The following PLEKHB2 variants were observed in gnomAD, a reference collection of about 807,000 sequenced individuals.
PLEKHB2 encodes pleckstrin homology domain-containing family B member 2.
In PLEKHB2, 31 loss-of-function variants were observed where a neutral mutation model predicts 36.5. The observed-to-expected ratio is 0.85, with a 90% CI of 0.64 to 1.15. The LOEUF (loss-of-function observed/expected upper bound fraction) is 1.15. Among genes scored for constraint, PLEKHB2 ranks in the 50% most tolerant of loss-of-function variants. The probability of loss-of-function intolerance (pLI) is 0.00; values close to 1 mark genes in which losing one functional copy is unlikely to be tolerated. For missense variants in PLEKHB2, 262 were observed against 295.3 expected, an observed-to-expected ratio of 0.89 and a Z score of 0.83; for synonymous variants, 119 against 112.0, an observed-to-expected ratio of 1.06 and a Z score of -0.39.
At chr2:131,109,896 T>G (rs912741403) in intron 1 of PLEKHB2, among the ~76,000 whole-genome samples, 1 of 152,062 alleles carries the variant, frequency 6.6e-6, no homozygotes, top group Non-Finnish European at 1.5e-5. Flanking sequence ...AAGTGGATCA[T>G]GAGGTCAGGA....
chr2:131,125,695 G>A (rs1697015110), intron 2 of PLEKHB2, 58 bp from the exon 3 acceptor site: 44 of 1,456,652 alleles, frequency 3.0e-5, no homozygotes, highest in Non-Finnish European at 3.9e-5. Context: ...CAACTTGGGC[G>A]AAATAGTAAG....
At chr2:131,112,213 C>A (rs1339923761) in intron 1 of PLEKHB2, among the ~76,000 whole-genome samples, 2 of 152,136 alleles carry the variant, frequency 1.3e-5, no homozygotes, top group African/African-American at 4.8e-5. Context: ...TGTAATGAGG[C>A]CTCCATAAAA....
intron 7 of PLEKHB2, 124 bp from the exon 8 acceptor site, chr2:131,146,513 G>C: frequency 1.1e-6 from 1 of 950,812 alleles, no homozygotes; most frequent in Non-Finnish European, 1.6e-6. Context: ...TTGTGGAGGA[G>C]GGCTGGGTCG....
intron 7 of PLEKHB2, among the ~76,000 whole-genome samples, chr2:131,140,991 T>C (rs1698728565): frequency 6.6e-6 from 1 of 152,004 alleles, no homozygotes; most frequent in African/African-American, 2.4e-5. Context: ...GAGACAGGAA[T>C]GTGGGGGTTT....
intron 6 of PLEKHB2, among the ~76,000 whole-genome samples, chr2:131,135,602 T>A (rs1352272352): frequency 6.6e-6 from 1 of 151,928 alleles, no homozygotes; most frequent in Non-Finnish European, 1.5e-5. Context: ...AGGGGGGATG[T>A]ATTCAGTGTT....
rs1414200645 is a variant in PLEKHB2 at position 131,148,527 on chromosome 2, G to C, written c.*1754G>C. 1.3e-5 allele frequency: 2 copies of C among 152,146 alleles called. No individual in the cohort carries two copies. The highest frequency in any genetic ancestry group is 4.8e-5 in the African/African-American group (2 of 41,402). The allele number at this position is 152,146 out of a possible 1,614,324, so 9.4% of individuals were successfully genotyped here. A position where few individuals can be genotyped will look rare whatever the true frequency, so the allele number is the denominator to read the frequency against. On this transcript the variant is annotated 3_prime_UTR_variant, in exon 8 of 8. Coordinates refer to ENST00000693505, the MANE Select transcript of PLEKHB2 (RefSeq NM_001100623.2). ...AATACACTCCAGGTAGCACAGACTT[G>C]TTATTTTGCCTGGCTGGTTACACAC...
Position 131,146,720 on chromosome 2 carries a change from C to G in PLEKHB2, c.616C>G (p.Leu206Val), listed in dbSNP as rs756311105. The G allele has an allele frequency of 1.2e-6, 2 of 1,613,906 alleles. No individual in the cohort carries two copies. Among genetic ancestry groups the G allele is most frequent in the Admixed American group, 3.3e-5 (2 of 59,996 alleles). ...DNDSDLALGM[L>V]AGAATGMALG... is the part of the protein sequence containing the mutation. Reference sequence around the variant, plus strand: ...CGACAGCGACCTGGCACTGGGCATGCTGGCAGGAGCAGCCACGGGCATGGC... The same window carrying G: ...CGACAGCGACCTGGCACTGGGCATGGTGGCAGGAGCAGCCACGGGCATGGC... Residue 206 changes from leucine (L) to valine (V), a missense_variant, in exon 8 of 8, where the codon CTG (leucine) becomes GTG (valine). Transcript: ENST00000693505.
At chr2:131,107,088 G>A (rs952470248) in intron 1 of PLEKHB2, among the ~76,000 whole-genome samples, 3 of 152,150 alleles carry the variant, frequency 2.0e-5, no homozygotes, top group Non-Finnish European at 4.4e-5. Flanking sequence ...ATGCTTTTCA[G>A]CTTGCATTAA....
chr2:131,115,754 T>C (rs745647898), intron 1 of PLEKHB2, among the ~76,000 whole-genome samples: 1 of 152,230 alleles, frequency 6.6e-6, no homozygotes, highest in Non-Finnish European at 1.5e-5. Flanking sequence ...TAATAGACTG[T>C]AATTTTTACT....
chr2:131,139,790 G>A (rs1462422941), intron 6 of PLEKHB2, among the ~76,000 whole-genome samples: 1 of 152,192 alleles, frequency 6.6e-6, no homozygotes. Flanking sequence ...GCAGAATAGT[G>A]GTTTTGGTGA....
chr2:131,140,803 G>A (rs1698710412), intron 7 of PLEKHB2, among the ~76,000 whole-genome samples: 1 of 152,212 alleles, frequency 6.6e-6, no homozygotes, highest in Non-Finnish European at 1.5e-5. Context: ...GGGCAAGGGG[G>A]TTGGCAGGGT....
intron 1 of PLEKHB2, among the ~76,000 whole-genome samples, chr2:131,113,204 C>G (rs971476670): frequency 6.6e-6 from 1 of 152,006 alleles, no homozygotes; most frequent in African/African-American, 2.4e-5. Context: ...TACCTCAGCC[C>G]CCCAGTAGCT....
chr2:131,134,172 T>A (rs1238196189), intron 6 of PLEKHB2, among the ~76,000 whole-genome samples: 1 of 152,058 alleles, frequency 6.6e-6, no homozygotes, highest in African/African-American at 2.4e-5. Context: ...GTGCTGGGAT[T>A]ACAGGTGTCA....
chr2:131,122,107 C>T (rs1696582703), intron 2 of PLEKHB2, among the ~76,000 whole-genome samples: 1 of 152,044 alleles, frequency 6.6e-6, no homozygotes, highest in Non-Finnish European at 1.5e-5. Context: ...CATGTTGAGC[C>T]TGGTCTCGAA....
rs1697135964 is a variant in PLEKHB2 at position 131,126,684 on chromosome 2, A to G, written c.191A>G (p.Asp64Gly). ...CCTTTATTCTGCTTATTTTTCATAG[A>G]TACTCAGCCCCCGGATGGAAAGTCA... ...INIRTGQECR[D>G]TQPPDGKSKD... is the part of the protein sequence containing the mutation. Residue 64 changes from aspartate (D) to glycine (G), a missense_variant and splice_region_variant, in exon 4 of 8, where the codon GAT (aspartate) becomes GGT (glycine). By Grantham distance (94) the Asp-to-Gly change is moderately conservative. Transcript: ENST00000693505. 1 of 1,582,754 alleles carries G rather than the reference A, an allele frequency of 6.3e-7. No individual in the cohort carries two copies. Among genetic ancestry groups the G allele is most frequent in the Non-Finnish European group, 8.7e-7 (1 of 1,151,862 alleles).
chr2:131,146,810 C>T lies in PLEKHB2; in HGVS notation c.*37C>T. The T allele has an allele frequency of 6.6e-7, 1 of 1,522,984 alleles. No homozygotes were observed. The highest frequency in any genetic ancestry group is 8.9e-7 in the Non-Finnish European group (1 of 1,128,324). 94.3% of individuals were successfully genotyped at this position (1,522,984 alleles called of 1,614,324 possible). A position where few individuals can be genotyped will look rare whatever the true frequency, so the allele number is the denominator to read the frequency against. On this transcript the variant is annotated 3_prime_UTR_variant, in exon 8 of 8. Transcript: ENST00000693505. Reference sequence around the variant, plus strand: ...TCTTGATGTGCATAGCTTCTGATAACCCTGTGTGCAATAATATGATTTGCA... The same window carrying T: ...TCTTGATGTGCATAGCTTCTGATAATCCTGTGTGCAATAATATGATTTGCA...
At position 131,148,924 on chromosome 2, in the gene PLEKHB2, C is replaced by T. The variant is rs1286456920; in HGVS notation, c.*2151C>T. ...ATGTTGCACTGGTGGTAATTTTGAA[C>T]TTGGAATTACTGGGTGGGAATTCCA... On this transcript the variant is annotated 3_prime_UTR_variant, in exon 8 of 8. Coordinates refer to ENST00000693505, the MANE Select transcript of PLEKHB2 (RefSeq NM_001100623.2). 2.0e-5 allele frequency: 3 copies of T among 152,204 alleles called. No individual in the cohort carries two copies. Among genetic ancestry groups the T allele is most frequent in the African/African-American group, 7.2e-5 (3 of 41,440 alleles). The allele number at this position is 152,204 out of a possible 1,614,324, so 9.4% of individuals were successfully genotyped here. A position where few individuals can be genotyped will look rare whatever the true frequency, so the allele number is the denominator to read the frequency against.
chr2:131,109,688 C>T (rs773323721), intron 1 of PLEKHB2, among the ~76,000 whole-genome samples: 2 of 151,420 alleles, frequency 1.3e-5, no homozygotes, highest in African/African-American at 2.4e-5. Context: ...GAAACTCTGT[C>T]TCAAAACAAA....
chr2:131,142,340 T>C (rs772413023), intron 7 of PLEKHB2, among the ~76,000 whole-genome samples: 2 of 152,372 alleles, frequency 1.3e-5, no homozygotes, highest in Non-Finnish European at 2.9e-5. Flanking sequence ...TCATGCATTG[T>C]ATTTCTAGTC....
Sources: allele counts gnomAD v4.1 joint callset (sites outside exome capture counted in the v4.1 genomes callset), GRCh38; gene constraint gnomAD v4.1.1; transcripts MANE v1.5; gene names NCBI Gene and HGNC (gene_info 2026-07-23, HGNC 2026-07-21).